GRIK2: variants seen among roughly 807,000 people sequenced by gnomAD.
GRIK2 encodes the protein glutamate ionotropic receptor kainate type subunit 2, also known as glutamate receptor ionotropic, kainate 2.
GRIK2 carries 32 observed loss-of-function variants against 100.3 expected under a neutral mutation model. The observed-to-expected ratio is 0.32, with a 90% confidence interval of 0.24 to 0.43. The LOEUF is 0.43. Among genes scored for constraint, GRIK2 ranks in the 20% least tolerant of loss-of-function variants. The pLI, the probability that GRIK2 is intolerant of heterozygous loss-of-function variation, is 1.00. For synonymous variants in GRIK2, 417 were observed against 389.4 expected (o/e 1.07, Z -0.83); for missense variants, 843 against 1,114.9 (o/e 0.76, Z 3.47).
chr6:101,648,302 G>A (rs575532004), intron 4 of GRIK2, among the ~76,000 whole-genome samples: 1 of 152,080 alleles, frequency 6.6e-6, no homozygotes, highest in East Asian at 1.9e-4. Flanking sequence ...CACACTAAAT[G>A]CCTGTCACTG....
At chr6:101,870,245 T>C (rs1785320731) in intron 11 of GRIK2, among the ~76,000 whole-genome samples, 1 of 151,878 alleles carries the variant, frequency 6.6e-6, no homozygotes, top group Admixed American at 6.6e-5. Context: ...TAAGGTCCTT[T>C]CCTAGTTAGA....
In GRIK2 at chr6:102,029,022, T is replaced by C. The variant is rs1220789122; in HGVS notation, c.2086-6319T>C. ...CTTACTACCTGTCTTTTATTTTATATATTTCTCTTAGGTACTACATTCTTT... is the reference window on the plus strand; with the variant it reads ...CTTACTACCTGTCTTTTATTTTATACATTTCTCTTAGGTACTACATTCTTT... On this transcript the variant is annotated intron_variant, in intron 14 of 16. Transcript: ENST00000369134. Among the ~76,000 whole-genome samples the C allele has an allele frequency of 5.3e-5, 8 of 151,292 alleles. No homozygotes were observed. In the Admixed American group the frequency reaches 5.3e-4, roughly 10 times the overall value.
chr6:101,754,891 G>C (rs146617542), intron 7 of GRIK2, among the ~76,000 whole-genome samples: 7 of 152,146 alleles, frequency 4.6e-5, no homozygotes, highest in African/African-American at 1.7e-4. Context: ...AAGGGATAGC[G>C]GAATGTAAAC....
At chr6:101,938,636 G>A (rs1790758291) in intron 14 of GRIK2, among the ~76,000 whole-genome samples, 1 of 152,076 alleles carries the variant, frequency 6.6e-6, no homozygotes, top group African/African-American at 2.4e-5. Flanking sequence ...TTTGATTGAT[G>A]TGTATTCAGA....
intron 16 of GRIK2, among the ~76,000 whole-genome samples, chr6:102,059,278 T>C (rs1286148012): frequency 6.6e-6 from 1 of 151,366 alleles, no homozygotes; most frequent in Non-Finnish European, 1.5e-5. Flanking sequence ...GATGTAAATA[T>C]TAATGCCTCA....
chr6:101,795,791 G>T (rs1034715988), intron 7 of GRIK2, among the ~76,000 whole-genome samples: 2 of 152,186 alleles, frequency 1.3e-5, no homozygotes, highest in African/African-American at 4.8e-5. Context: ...TAGTGCCAGG[G>T]GTGTGGGCCT....
intron 11 of GRIK2, among the ~76,000 whole-genome samples, chr6:101,877,097 C>T (rs1785904967): frequency 6.6e-6 from 1 of 151,694 alleles, no homozygotes; most frequent in African/African-American, 2.4e-5. Flanking sequence ...CATAGTTTTC[C>T]TAAAGTAATT....
chr6:101,478,267 C>A lies in GRIK2; in HGVS notation c.115+78875C>A, dbSNP rs990020165. Among the ~76,000 whole-genome samples, 3 of 151,748 alleles carry A rather than the reference C, an allele frequency of 2.0e-5. No homozygotes were observed. In the South Asian group the frequency reaches 6.2e-4, roughly 31 times the overall value. On this transcript the variant is annotated intron_variant, in intron 2 of 16. Coordinates refer to ENST00000369134, the MANE Select transcript of GRIK2 (RefSeq NM_021956.5). Reference sequence around the variant, plus strand: ...GGTTCTACCAACAGAATTTTAGTTTCGAAAAGACAAACAAAATCTTAAAAT... The same window carrying A: ...GGTTCTACCAACAGAATTTTAGTTTAGAAAAGACAAACAAAATCTTAAAAT...
intron 12 of GRIK2, among the ~76,000 whole-genome samples, chr6:101,919,616 G>A (rs1255930818): frequency 6.6e-6 from 1 of 151,780 alleles, no homozygotes; most frequent in Non-Finnish European, 1.5e-5. Context: ...GTAATCATCA[G>A]TATAGAAGTT....
rs945968382 is a variant in GRIK2, at chr6:101,754,393, G to A, written c.952-45255G>A. Among the ~76,000 whole-genome samples, 5 of 152,292 alleles carry A rather than the reference G, an allele frequency of 3.3e-5. No individual in the cohort carries two copies. The South Asian group carries it at 6.2e-4, about 19-fold the overall frequency. On this transcript the variant is annotated intron_variant, in intron 7 of 16. Transcript: ENST00000369134. ...AGGAAACAAAGCTATTATGTTGTAGGAGACAGTAAAATGATTTAGGATATG... is the reference window on the plus strand; with the variant it reads ...AGGAAACAAAGCTATTATGTTGTAGAAGACAGTAAAATGATTTAGGATATG...
chr6:101,684,113 C>G (rs1048825885), intron 6 of GRIK2, among the ~76,000 whole-genome samples: 1 of 152,190 alleles, frequency 6.6e-6, no homozygotes, highest in Non-Finnish European at 1.5e-5. Context: ...AATAGCAAAG[C>G]TGGCTCTGGC....
At chr6:101,612,594 A>G (rs1418861282) in intron 2 of GRIK2, among the ~76,000 whole-genome samples, 2 of 151,806 alleles carry the variant, frequency 1.3e-5, no homozygotes, top group African/African-American at 4.8e-5. Flanking sequence ...TGGAACATTG[A>G]GCACATAAAG....
intron 3 of GRIK2, among the ~76,000 whole-genome samples, chr6:101,626,133 C>T (rs1210010529): frequency 6.6e-6 from 1 of 152,080 alleles, no homozygotes; most frequent in Admixed American, 6.6e-5. Context: ...TGCCTGTCTC[C>T]CTCCCCTGAC....
At chr6:101,968,805 T>C (rs1562074888) in intron 14 of GRIK2, among the ~76,000 whole-genome samples, 1 of 152,008 alleles carries the variant, frequency 6.6e-6, no homozygotes, top group Non-Finnish European at 1.5e-5. Context: ...TTAGAAGTAT[T>C]GATGTTTAAG....
intron 7 of GRIK2, among the ~76,000 whole-genome samples, chr6:101,779,239 T>C (rs1347930752): frequency 2.6e-5 from 4 of 152,196 alleles, no homozygotes; most frequent in African/African-American, 7.2e-5. Flanking sequence ...TGACTAAGCC[T>C]ATTTCTGTGG....
At chr6:101,693,954 A>C (rs1303758664) in intron 7 of GRIK2, among the ~76,000 whole-genome samples, 1 of 152,066 alleles carries the variant, frequency 6.6e-6, no homozygotes, top group Non-Finnish European at 1.5e-5. Flanking sequence ...TGATATGAGG[A>C]AGTCTAGCTA....
chr6:101,455,560 T>G (rs1770958299), intron 2 of GRIK2, among the ~76,000 whole-genome samples: 1 of 152,036 alleles, frequency 6.6e-6, no homozygotes, highest in Admixed American at 6.6e-5. Context: ...TCATTAGACC[T>G]AGGTTAGAAA....
chr6:101,856,894 C>G (rs547962819), intron 10 of GRIK2, among the ~76,000 whole-genome samples: 1 of 151,998 alleles, frequency 6.6e-6, no homozygotes, highest in Non-Finnish European at 1.5e-5. Context: ...GTATTGGATA[C>G]TTCATGTAGG....
chr6:102,048,677 G>C (rs956524040), intron 15 of GRIK2, among the ~76,000 whole-genome samples: 1 of 151,962 alleles, frequency 6.6e-6, no homozygotes, highest in Admixed American at 6.6e-5. Context: ...TAGAATAGCT[G>C]TAACAAAAAA....
Sources: gnomAD v4.1 joint callset for allele counts (sites outside exome capture counted in the v4.1 genomes callset) on GRCh38, gnomAD v4.1.1 for gene constraint, MANE v1.5 for transcripts, NCBI Gene and HGNC (gene_info 2026-07-23, HGNC 2026-07-21) for gene names.